PARD3B: variants seen among roughly 807,000 people sequenced by gnomAD.
PARD3B encodes the protein par-3 family cell polarity regulator beta, also known as partitioning defective 3 homolog B.
PARD3B carries 103 observed loss-of-function variants against 130.2 expected under a neutral mutation model. The ratio of observed to expected loss-of-function variants is 0.79; its 90% CI spans 0.67 to 0.93. The LOEUF is 0.93. Among genes scored for constraint, PARD3B ranks in the 40% least tolerant of loss-of-function variants. PARD3B has a pLI of 0.00. For missense variants in PARD3B, 1,609 were observed against 1,499.2 expected (o/e 1.07, Z -1.21); for synonymous variants, 583 against 553.2 (o/e 1.05, Z -0.76).
intron 2 of PARD3B, among the ~76,000 whole-genome samples, chr2:204,926,493 C>G (rs553690334): frequency 6.6e-6 from 1 of 152,020 alleles, no homozygotes; most frequent in Non-Finnish European, 1.5e-5. Flanking sequence ...AATTAAGTCC[C>G]AATTCTAATT....
chr2:204,834,825 G>A (rs1414956164), intron 2 of PARD3B, among the ~76,000 whole-genome samples: 1 of 152,132 alleles, frequency 6.6e-6, no homozygotes, highest in Non-Finnish European at 1.5e-5. Context: ...TGTCAGCGAT[G>A]GGCTGAAAAA....
intron 16 of PARD3B, among the ~76,000 whole-genome samples, chr2:205,251,879 C>T (rs1163105072): frequency 6.6e-6 from 1 of 152,056 alleles, no homozygotes; most frequent in Non-Finnish European, 1.5e-5. Flanking sequence ...AAGCTTTTGT[C>T]ATTTGTTTTG....
At chr2:204,924,932 C>A (rs1382042213) in intron 2 of PARD3B, among the ~76,000 whole-genome samples, 1 of 151,298 alleles carries the variant, frequency 6.6e-6, no homozygotes, top group Non-Finnish European at 1.5e-5. Context: ...AGAAGAAATT[C>A]TGCCAACTGT....
intron 18 of PARD3B, among the ~76,000 whole-genome samples, chr2:205,385,222 C>CT (rs1247788848): frequency 6.6e-6 from 1 of 151,980 alleles, no homozygotes; most frequent in African/African-American, 2.4e-5. Context: ...TTATGCAGTA[C>CT]TTTTTTTCAA....
chr2:204,621,522 G>C (rs2125128545), intron 1 of PARD3B, among the ~76,000 whole-genome samples: 1 of 152,278 alleles, frequency 6.6e-6, no homozygotes, highest in East Asian at 1.9e-4. Context: ...GAATGGAGAA[G>C]TTGAGTAAAA....
intron 2 of PARD3B, among the ~76,000 whole-genome samples, chr2:204,903,085 G>C (rs2046925236): frequency 6.6e-6 from 1 of 152,352 alleles, no homozygotes; most frequent in South Asian, 2.1e-4. Context: ...TATCATACAA[G>C]CCAGAGAAGC....
chr2:204,944,799 C>T (rs1176480199), intron 2 of PARD3B, among the ~76,000 whole-genome samples: 3 of 152,116 alleles, frequency 2.0e-5, no homozygotes, highest in Non-Finnish European at 4.4e-5. Flanking sequence ...TACCCACTTG[C>T]CCTCACTCTT....
rs1211319 is a variant in PARD3B, at chr2:205,291,437, C to T, written c.2186-9093C>T. Among the ~76,000 whole-genome samples, 125,253 of 152,152 alleles carry T rather than the reference C, an allele frequency of 0.82. 51,923 individuals carry two copies. The highest frequency in any genetic ancestry group is 0.9 in the South Asian group (4,325 of 4,822). On this transcript the variant is annotated intron_variant, in intron 16 of 22. Transcript: ENST00000406610. This position sits in a 1 kb window ranked among gnomAD's most constrained non-coding sequence, Gnocchi z 4.6. ...ATGGAAATGAGGAACATGTTATTCA[C>T]GGAAACTGGAGAAAAGACCATCCTC... is the stretch of plus-strand genomic sequence containing the variant.
intron 18 of PARD3B, among the ~76,000 whole-genome samples, chr2:205,360,978 C>T (rs1332386584): frequency 2.0e-5 from 3 of 152,004 alleles, no homozygotes; most frequent in Admixed American, 6.6e-5. Context: ...ATATGCCTTC[C>T]TCATTCCTTT....
intron 12 of PARD3B, among the ~76,000 whole-genome samples, chr2:205,173,452 A>C: frequency 6.6e-6 from 1 of 152,198 alleles, no homozygotes; most frequent in East Asian, 1.9e-4. Context: ...TGTCTGTTTT[A>C]TCCCTTAATG....
At chr2:205,014,463 G>A (rs1174042260) in intron 3 of PARD3B, among the ~76,000 whole-genome samples, 1 of 152,182 alleles carries the variant, frequency 6.6e-6, no homozygotes, top group Non-Finnish European at 1.5e-5. Context: ...TCACAACTGG[G>A]ATGCCCCAGT....
intron 21 of PARD3B, among the ~76,000 whole-genome samples, chr2:205,535,761 A>G (rs553974421): frequency 7.7e-4 from 118 of 152,302 alleles, no homozygotes; most frequent in African/African-American, 2.8e-3. Flanking sequence ...GCTTTGCTGC[A>G]ATTCCTCAGG....
rs536345529 is a variant in PARD3B at position 205,049,658 on chromosome 2, T to C, written c.504+1968T>C. Reference sequence around the variant, plus strand: ...TGATGGCTACTGTCCATCTGGTAAATGCTGTAGCCCCACCAAAATATGACA... The same window carrying C: ...TGATGGCTACTGTCCATCTGGTAAACGCTGTAGCCCCACCAAAATATGACA... On this transcript the variant is annotated intron_variant, in intron 4 of 22. Coordinates refer to ENST00000406610, the MANE Select transcript of PARD3B (RefSeq NM_001302769.2). Among the ~76,000 whole-genome samples, 6 of 152,302 alleles carry C rather than the reference T, an allele frequency of 3.9e-5. No individual in the cohort carries two copies. The South Asian group carries it at 1.2e-3, about 32-fold the overall frequency.
At chr2:205,059,224 G>T (rs1206819157) in intron 4 of PARD3B, among the ~76,000 whole-genome samples, 1 of 151,964 alleles carries the variant, frequency 6.6e-6, no homozygotes, top group Non-Finnish European at 1.5e-5. Context: ...CACCACTGTT[G>T]AAACTCATCT....
intron 2 of PARD3B, among the ~76,000 whole-genome samples, chr2:204,705,740 T>C (rs11690651): frequency 0.018 from 2,670 of 152,268 alleles, 31 homozygotes; most frequent in Middle Eastern, 0.037. Flanking sequence ...TAGTGAGTCA[T>C]TGTGGTTTGC....
chr2:205,044,240 A>G (rs1698605680), intron 3 of PARD3B, among the ~76,000 whole-genome samples: 1 of 149,132 alleles, frequency 6.7e-6, no homozygotes, highest in Non-Finnish European at 1.5e-5. Context: ...AGTCTTTGCT[A>G]TTGTGAATAA....
intron 2 of PARD3B, among the ~76,000 whole-genome samples, chr2:204,902,405 C>T (rs1326153782): frequency 6.6e-6 from 1 of 152,092 alleles, no homozygotes; most frequent in African/African-American, 2.4e-5. Context: ...CGCGGTGGCT[C>T]AGGCCTGTTA....
At chr2:204,546,212 A>G (rs780791260) in intron 1 of PARD3B, 93 bp downstream of exon 1, 5 of 1,508,942 alleles carry the variant, frequency 3.3e-6, no homozygotes, top group African/African-American at 2.8e-5. Context: ...CAGAAAACCC[A>G]GGGGATTATG....
At chr2:205,140,480 C>T (rs1383936860) in intron 10 of PARD3B, among the ~76,000 whole-genome samples, 1 of 140,604 alleles carries the variant, frequency 7.1e-6, no homozygotes, top group Non-Finnish European at 1.5e-5. Flanking sequence ...AAAAGGAAGA[C>T]CGTTCCTTTT....
Sources: allele counts gnomAD v4.1 joint callset (sites outside exome capture counted in the v4.1 genomes callset), GRCh38; gene constraint gnomAD v4.1.1; non-coding constraint Gnocchi (gnomAD v3.1); transcripts MANE v1.5; gene names NCBI Gene and HGNC (gene_info 2026-07-23, HGNC 2026-07-21).